Variants in LHFPL7 observed in about 807,000 individuals in gnomAD.
The protein encoded by LHFPL7 is LHFPL tetraspan subfamily member 7.
chr22:24,942,228 T>C, the LHFPL7 span, among the ~76,000 whole-genome samples: 2 of 152,094 alleles, frequency 1.3e-5, no homozygotes, highest in African/African-American at 4.8e-5. Flanking sequence ...TCTCCTGACC[T>C]TGTGATCCAC....
At chr22:24,945,742 AC>A in the LHFPL7 span, among the ~76,000 whole-genome samples, 5 of 152,198 alleles carry the variant, frequency 3.3e-5, 1 homozygote, top group Admixed American at 2.6e-4. Context: ...GAGGAAGGGC[AC>A]CCAGTCCAGC....
chr22:24,944,527 G>A, the LHFPL7 span, among the ~76,000 whole-genome samples: 1 of 152,120 alleles, frequency 6.6e-6, no homozygotes, highest in Non-Finnish European at 1.5e-5. Context: ...AGGCCCATGT[G>A]ACTAGAAGTA....
chr22:24,946,197 C>T, the LHFPL7 span, among the ~76,000 whole-genome samples: 1 of 152,096 alleles, frequency 6.6e-6, no homozygotes, highest in African/African-American at 2.4e-5. Flanking sequence ...GTAATCCCAG[C>T]TATTCGGGAG....
the LHFPL7 span, among the ~76,000 whole-genome samples, chr22:24,946,041 G>A: frequency 6.6e-6 from 1 of 152,208 alleles, no homozygotes; most frequent in Admixed American, 6.5e-5. Flanking sequence ...CAGGTGTGGT[G>A]GCTCACACCT....
chr22:24,944,684 A>G, the LHFPL7 span, among the ~76,000 whole-genome samples: 1 of 152,096 alleles, frequency 6.6e-6, no homozygotes. Flanking sequence ...CCTCCCAAGT[A>G]GCTGGGGCTA....
the LHFPL7 span, among the ~76,000 whole-genome samples, chr22:24,944,225 T>G: frequency 1.3e-5 from 2 of 151,996 alleles, no homozygotes; most frequent in Non-Finnish European, 2.9e-5. Context: ...GAACTTAGAC[T>G]CTGGAGGGAG....
chr22:24,935,277 CATG>C, the LHFPL7 span: 1 of 1,557,862 alleles, frequency 6.4e-7, no homozygotes, highest in Non-Finnish European at 8.7e-7. Flanking sequence ...AAGTTGGCTA[CATG>C]ATGATTTCAT....
the LHFPL7 span, among the ~76,000 whole-genome samples, chr22:24,944,710 A>G: frequency 6.8e-6 from 1 of 146,036 alleles, no homozygotes; most frequent in Non-Finnish European, 1.5e-5. Context: ...ATGCACCAAC[A>G]TGCCTGGCTA....
At chr22:24,941,171 C>CA in the LHFPL7 span, among the ~76,000 whole-genome samples, 1 of 142,972 alleles carries the variant, frequency 7.0e-6, no homozygotes, top group South Asian at 2.2e-4. Context: ...ATGGTATTAT[C>CA]TTTTTTTTTT....
chr22:24,943,087 G>T, the LHFPL7 span, among the ~76,000 whole-genome samples: 1 of 151,780 alleles, frequency 6.6e-6, no homozygotes, highest in African/African-American at 2.4e-5. Flanking sequence ...ATTTTTATGG[G>T]GTTTTTTTGG....
chr22:24,941,605 T>G, the LHFPL7 span, among the ~76,000 whole-genome samples: 1 of 140,322 alleles, frequency 7.1e-6, no homozygotes, highest in African/African-American at 2.7e-5. Context: ...TATATTTGTT[T>G]TTTTTTTTTT....
the LHFPL7 span, chr22:24,939,365 G>A: frequency 4.8e-5 from 34 of 702,966 alleles, no homozygotes; most frequent in East Asian, 4.3e-4. Flanking sequence ...TATCCTCCAG[G>A]GAACTGAAGG....
the LHFPL7 span, chr22:24,946,665 TTG>T: frequency 6.6e-6 from 1 of 152,276 alleles, no homozygotes; most frequent in Non-Finnish European, 1.5e-5. Flanking sequence ...CTCCTCTCCT[TTG>T]AAGGAATAAT....
chr22:24,940,713 CT>C, the LHFPL7 span, among the ~76,000 whole-genome samples: 37 of 4,814 alleles, frequency 7.7e-3, no homozygotes, highest in South Asian at 0.041. Context: ...CCCTCCTTCC[CT>C]TTCTTTCCTT....
At chr22:24,944,081 C>T in the LHFPL7 span, among the ~76,000 whole-genome samples, 7 of 152,052 alleles carry the variant, frequency 4.6e-5, no homozygotes, top group African/African-American at 1.4e-4. Context: ...CAAGACAGAC[C>T]AACAAAATAT....
the LHFPL7 span, chr22:24,935,687 T>C: frequency 6.8e-7 from 1 of 1,460,636 alleles, no homozygotes; most frequent in Non-Finnish European, 9.3e-7. Flanking sequence ...TATCCACCCA[T>C]CCATCTATCC....
chr22:24,936,911 C>T, the LHFPL7 span, among the ~76,000 whole-genome samples: 24 of 152,100 alleles, frequency 1.6e-4, no homozygotes, highest in African/African-American at 5.1e-4. Context: ...CTCCAACCCC[C>T]GCCCCCCCCG....
At chr22:24,943,563 G>T in the LHFPL7 span, among the ~76,000 whole-genome samples, 3 of 152,162 alleles carry the variant, frequency 2.0e-5, no homozygotes, top group African/African-American at 7.2e-5. Flanking sequence ...TGATGCGATA[G>T]ATACTATTAT....
At chr22:24,938,474 A>G in the LHFPL7 span, among the ~76,000 whole-genome samples, 1 of 152,242 alleles carries the variant, frequency 6.6e-6, no homozygotes, top group Non-Finnish European at 1.5e-5. Context: ...TTGTGCTATT[A>G]TGATCTCCAT....
Sources: gnomAD v4.1 joint callset for allele counts (sites outside exome capture counted in the v4.1 genomes callset) on GRCh38, gnomAD v4.1.1 for gene constraint, MANE v1.5 for transcripts, NCBI Gene and HGNC (gene_info 2026-07-23, HGNC 2026-07-21) for gene names.